LRRN1: variants seen among roughly 807,000 people sequenced by gnomAD.
LRRN1 encodes leucine-rich repeat neuronal protein 1.
LRRN1 carries 14 observed loss-of-function variants against 45.8 expected under a neutral mutation model. That is an observed-to-expected ratio of 0.31 (90% confidence interval 0.20 to 0.48). The LOEUF (loss-of-function observed/expected upper bound fraction) is 0.48. Among genes scored for constraint, LRRN1 ranks in the 20% least tolerant of loss-of-function variants. The pLI is 0.99. For synonymous variants in LRRN1, 359 were observed against 330.1 expected (o/e 1.09, Z -0.95); for missense variants, 789 against 874.2 (o/e 0.90, Z 1.23).
intron 1 of LRRN1, among the ~76,000 whole-genome samples, chr3:3,836,872 T>C (rs1693529765): frequency 6.6e-6 from 1 of 152,040 alleles, no homozygotes; most frequent in South Asian, 2.1e-4. Context: ...GGGTTACATG[T>C]GGTTGGCCTG....
intron 1 of LRRN1, among the ~76,000 whole-genome samples, chr3:3,828,109 A>G (rs2106462225): frequency 6.9e-6 from 1 of 144,636 alleles, no homozygotes; most frequent in South Asian, 2.2e-4. Context: ...CCAGTGTGTT[A>G]GGGTTCTCTT....
rs1693794857 is a variant in LRRN1 at position 3,847,012 on chromosome 3, A to C, written c.*220A>C. 3 of 403,422 alleles carry C rather than the reference A, an allele frequency of 7.4e-6. No individual in the cohort carries two copies. The highest frequency in any genetic ancestry group is 8.2e-5 in the Admixed American group (2 of 24,538). 25.0% of individuals were successfully genotyped at this position (403,422 alleles called of 1,614,324 possible). Reference sequence around the variant, plus strand: ...GGCTTCCAGTCTGTGTTTGGTTTTTATTCTTATCATTATTATGATTGTTAT... The same window carrying C: ...GGCTTCCAGTCTGTGTTTGGTTTTTCTTCTTATCATTATTATGATTGTTAT... On this transcript the variant is annotated 3_prime_UTR_variant, in exon 2 of 2. Coordinates refer to ENST00000319331, the MANE Select transcript of LRRN1 (RefSeq NM_020873.7).
At position 3,845,282 on chromosome 3, in the gene LRRN1, T is replaced by A. The variant is rs751942303; in HGVS notation, c.641T>A (p.Leu214His). ...IGILDMNFKP[L>H]ANLRSLVLAG... is the part of the protein sequence containing the mutation. ...ATTCTGGATATGAACTTCAAACCCC[T>A]CGCAAATTTGAGAAGCTTAGTTTTG... Residue 214 changes from leucine to histidine, a missense_variant, in exon 2 of 2, where the codon CTC becomes CAC. Physicochemically the swap from Leu to His is moderately conservative, Grantham distance 99 (BLOSUM62 -3). Transcript: ENST00000319331. The surrounding 1 kb of genome is among the most constrained non-coding windows in gnomAD (Gnocchi z 6.5). The A allele has an allele frequency of 6.2e-7, 1 of 1,614,120 alleles. No individual in the cohort carries two copies. Among genetic ancestry groups the A allele is most frequent in the Non-Finnish European group, 8.5e-7 (1 of 1,180,030 alleles).
At position 3,845,131 on chromosome 3, in the gene LRRN1, G is replaced by T. The variant is rs371825663; in HGVS notation, c.490G>T (p.Ala164Ser). ...TAGCACTATTTCTGCTCATGCTTTT[G>T]CAGGCTTAAAAAATCTATTAAGGCT... is the stretch of plus-strand genomic sequence containing the variant. ...QISTISAHAF[A>S]GLKNLLRLHL... is the part of the protein sequence containing the mutation. Residue 164 changes from alanine to serine, a missense_variant, in exon 2 of 2, where the codon GCA becomes TCA. Transcript: ENST00000319331. The surrounding 1 kb of genome is among the most constrained non-coding windows in gnomAD (Gnocchi z 6.5). 26 of 1,613,976 alleles carry T rather than the reference G, an allele frequency of 1.6e-5. No individual in the cohort carries two copies. The highest frequency in any genetic ancestry group is 8.0e-5 in the African/African-American group (6 of 74,868).
Position 3,848,661 on chromosome 3 carries a change from C to T in LRRN1, c.*1869C>T, listed in dbSNP as rs1443376477. ...TGAGCTGCAACAGAAAAATAAGTAC[C>T]TGAGCTCGAGGTATCCCTTCCCAAA... On this transcript the variant is annotated 3_prime_UTR_variant, in exon 2 of 2. Transcript: ENST00000319331. Among the ~76,000 whole-genome samples, 2 of 152,174 alleles carry T rather than the reference C, an allele frequency of 1.3e-5. No individual in the cohort carries two copies. The highest frequency in any genetic ancestry group is 1.9e-4 in the East Asian group (1 of 5,188).
intron 1 of LRRN1, among the ~76,000 whole-genome samples, chr3:3,835,672 A>C (rs896257114): frequency 4.0e-5 from 6 of 151,726 alleles, no homozygotes; most frequent in African/African-American, 1.5e-4. Context: ...CAACTTCATA[A>C]GAAGTTAATG....
rs1419082892 is a variant in LRRN1, at chr3:3,847,493, CT to C, written c.*703del. On this transcript the variant is annotated 3_prime_UTR_variant, in exon 2 of 2. Coordinates refer to ENST00000319331, the MANE Select transcript of LRRN1 (RefSeq NM_020873.7). ...TAACAAACTACATGTTAATTGTTAT[CT>C]TATTCTTTTTATCTTTAGTAGACAC... is the stretch of plus-strand genomic sequence containing the variant. The C allele has an allele frequency of 6.0e-6, 1 of 165,694 alleles. No individual in the cohort carries two copies. The highest frequency in any genetic ancestry group is 1.5e-5 in the Non-Finnish European group (1 of 67,830). 10.3% of individuals were successfully genotyped at this position (165,694 alleles called of 1,614,324 possible).
At chr3:3,837,224 A>T (rs1198897408) in intron 1 of LRRN1, among the ~76,000 whole-genome samples, 1 of 152,194 alleles carries the variant, frequency 6.6e-6, no homozygotes, top group Non-Finnish European at 1.5e-5. Flanking sequence ...TTGACTTTCC[A>T]TGCAGTATCA....
Position 3,844,492 on chromosome 3 carries a change from C to A in LRRN1, c.-150C>A. The A allele has an allele frequency of 1.6e-6, 1 of 621,976 alleles. No individual in the cohort carries two copies. The highest frequency in any genetic ancestry group is 4.4e-4 in the Middle Eastern group (1 of 2,296). The allele number at this position is 621,976 out of a possible 1,614,324, so 38.5% of individuals were successfully genotyped here. ...CCTTTTGAAAACTCCTGAAAACCAT[C>A]CCTTTGGACTCTGGAATTCTACACA... On this transcript the variant is annotated 5_prime_UTR_variant, in exon 2 of 2. Coordinates refer to ENST00000319331, the MANE Select transcript of LRRN1 (RefSeq NM_020873.7).
intron 1 of LRRN1, among the ~76,000 whole-genome samples, chr3:3,838,100 A>G (rs1693565164): frequency 6.6e-6 from 1 of 152,128 alleles, no homozygotes; most frequent in Non-Finnish European, 1.5e-5. Flanking sequence ...AAGACCACCC[A>G]TCTACAACCA....
intron 1 of LRRN1, among the ~76,000 whole-genome samples, chr3:3,817,485 G>A (rs1665927516): frequency 6.6e-6 from 1 of 152,166 alleles, no homozygotes; most frequent in Admixed American, 6.5e-5. Flanking sequence ...GAACTTCTAT[G>A]TTAAATGTAT....
At chr3:3,820,317 GGGCTA>G (rs1365289626) in intron 1 of LRRN1, among the ~76,000 whole-genome samples, 1 of 152,122 alleles carries the variant, frequency 6.6e-6, no homozygotes, top group African/African-American at 2.4e-5. Flanking sequence ...ACCTGCTCTA[GGGCTA>G]GCATTCTACT....
chr3:3,817,068 G>T (rs1296520923), intron 1 of LRRN1, among the ~76,000 whole-genome samples: 3 of 152,094 alleles, frequency 2.0e-5, no homozygotes, highest in African/African-American at 7.2e-5. Context: ...TCTATAAGCT[G>T]GAAAACTGAT....
intron 1 of LRRN1, among the ~76,000 whole-genome samples, chr3:3,820,074 G>A (rs1209439369): frequency 1.3e-5 from 2 of 151,550 alleles, no homozygotes; most frequent in Admixed American, 6.6e-5. Context: ...GTTGTTGTTG[G>A]AAAATCTAGA....
chr3:3,803,404 G>A (rs375238958), intron 1 of LRRN1, among the ~76,000 whole-genome samples: 4 of 152,160 alleles, frequency 2.6e-5, no homozygotes, highest in East Asian at 3.8e-4. Context: ...CCAGTTTTAC[G>A]AGACTTGCAC....
intron 1 of LRRN1, among the ~76,000 whole-genome samples, chr3:3,824,241 T>G (rs1410924685): frequency 6.6e-6 from 1 of 152,212 alleles, no homozygotes; most frequent in African/African-American, 2.4e-5. Context: ...TTTATTAAAG[T>G]GAGTTTACTA....
rs1181433931 is a variant in LRRN1, at chr3:3,799,885, G to A, written c.-313G>A. On this transcript the variant is annotated 5_prime_UTR_variant, in exon 1 of 2. Coordinates refer to ENST00000319331, the MANE Select transcript of LRRN1 (RefSeq NM_020873.7). ...CCGCCGCCGTGGGTGCCGGGTCCGC[G>A]CGCACCCCAACACCCCCACCAGCTG... 1.8e-5 allele frequency: 3 copies of A among 162,906 alleles called. No individual in the cohort carries two copies. Among genetic ancestry groups the A allele is most frequent in the South Asian group, 1.5e-4 (1 of 6,804 alleles). The allele number at this position is 162,906 out of a possible 1,614,324, so 10.1% of individuals were successfully genotyped here. A position where few individuals can be genotyped will look rare whatever the true frequency, so the allele number is the denominator to read the frequency against.
chr3:3,807,247 T>C (rs1575278809), intron 1 of LRRN1, among the ~76,000 whole-genome samples: 2 of 152,290 alleles, frequency 1.3e-5, no homozygotes, highest in Admixed American at 1.3e-4. Flanking sequence ...GAAAGGTTCA[T>C]AGGAGAGTGC....
chr3:3,845,484 G>A lies in LRRN1; in HGVS notation c.843G>A (p.Gly281=), dbSNP rs1693748169. The change falls in exon 2 of 2, where the codon GGG becomes GGA. Residue 281 remains glycine, a synonymous_variant. Coordinates refer to ENST00000319331, the MANE Select transcript of LRRN1 (RefSeq NM_020873.7). This position sits in a 1 kb window ranked among gnomAD's most constrained non-coding sequence, Gnocchi z 6.5. ...ACCCCATTCACAAAATCCAAGAAGG[G>A]GACTTCAAAAATATGCTTCGGTTAA... ...NKNPIHKIQE[G]DFKNMLRLKE... The A allele has an allele frequency of 6.2e-7, 1 of 1,613,986 alleles. No individual in the cohort carries two copies. The highest frequency in any genetic ancestry group is 1.1e-5 in the South Asian group (1 of 91,066).
Sources: allele counts gnomAD v4.1 joint callset (sites outside exome capture counted in the v4.1 genomes callset), GRCh38; gene constraint gnomAD v4.1.1; non-coding constraint Gnocchi (gnomAD v3.1); transcripts MANE v1.5; gene names NCBI Gene and HGNC (gene_info 2026-07-23, HGNC 2026-07-21).